UBASH3B: variants seen among roughly 807,000 people sequenced by gnomAD.
UBASH3B encodes ubiquitin associated and SH3 domain containing B.
A neutral mutation model predicts 83.4 loss-of-function variants in UBASH3B; 37 were observed. The observed-to-expected ratio is 0.44, with a 90% CI of 0.34 to 0.58. The LOEUF (loss-of-function observed/expected upper bound fraction) is 0.58. UBASH3B is among the 20% of genes least tolerant of loss of function. The pLI, the probability that UBASH3B is intolerant of heterozygous loss-of-function variation, is 0.01. For missense variants in UBASH3B, 657 were observed against 827.2 expected (o/e 0.79, Z 2.52); for synonymous variants, 304 against 318.3 (o/e 0.96, Z 0.48).
chr11:122,685,669 A>C (rs1286855356), intron 1 of UBASH3B, among the ~76,000 whole-genome samples: 1 of 152,160 alleles, frequency 6.6e-6, no homozygotes, highest in Non-Finnish European at 1.5e-5. Context: ...GGCGTCTGCC[A>C]CAATGCCCAG....
In UBASH3B at chr11:122,686,112, G is replaced by A. The variant is rs139462515; in HGVS notation, c.161+29902G>A. ...GACTAAAAAGAGCAGGTTTCTTCCC[G>A]GGTCACTTCCTCCCTGAGGAAGTCC... On this transcript the variant is annotated intron_variant, in intron 1 of 13. Transcript: ENST00000284273. Among the ~76,000 whole-genome samples, 163 of 152,204 alleles carry A rather than the reference G, an allele frequency of 1.1e-3. 1 individual carries two copies. The highest frequency in any genetic ancestry group is 3.8e-3 in the African/African-American group (158 of 41,550).
At chr11:122,779,842 T>A in intron 4 of UBASH3B, 147 bp downstream of exon 4, 1 of 907,928 alleles carries the variant, frequency 1.1e-6, no homozygotes, top group South Asian at 1.7e-5. Context: ...AAAAACAGCC[T>A]TTTCCTGCAG....
intron 1 of UBASH3B, among the ~76,000 whole-genome samples, chr11:122,756,540 C>A (rs1350038613): frequency 6.6e-6 from 1 of 152,174 alleles, no homozygotes; most frequent in Non-Finnish European, 1.5e-5. Flanking sequence ...GCCATTTCTG[C>A]CTCTTTCACA....
At chr11:122,791,617 A>G (rs1861055342) in intron 6 of UBASH3B, among the ~76,000 whole-genome samples, 1 of 152,248 alleles carries the variant, frequency 6.6e-6, no homozygotes, top group Non-Finnish European at 1.5e-5. Context: ...TCAAGGAGGC[A>G]GAGCCCAGCT....
chr11:122,692,295 G>A (rs1330315284), intron 1 of UBASH3B, among the ~76,000 whole-genome samples: 1 of 152,126 alleles, frequency 6.6e-6, no homozygotes, highest in Non-Finnish European at 1.5e-5. Context: ...GAAGAAAGAT[G>A]AATATTTTCT....
chr11:122,730,505 C>T (rs964779380), intron 1 of UBASH3B, among the ~76,000 whole-genome samples: 2 of 152,172 alleles, frequency 1.3e-5, no homozygotes, highest in African/African-American at 4.8e-5. Context: ...AGCCAAACCC[C>T]CTCACAGAGG....
At chr11:122,755,509 C>A (rs1482438664) in intron 1 of UBASH3B, among the ~76,000 whole-genome samples, 1 of 152,022 alleles carries the variant, frequency 6.6e-6, no homozygotes, top group Non-Finnish European at 1.5e-5. Context: ...CTTTGCCTGG[C>A]CAGGTTCAAA....
intron 1 of UBASH3B, among the ~76,000 whole-genome samples, chr11:122,731,855 A>G (rs1407787591): frequency 1.3e-5 from 2 of 152,072 alleles, no homozygotes; most frequent in East Asian, 3.9e-4. Flanking sequence ...CTCACTACTG[A>G]GGTTTTTGTA....
intron 1 of UBASH3B, among the ~76,000 whole-genome samples, chr11:122,681,054 T>TAG (rs1482233609): frequency 6.6e-6 from 1 of 152,238 alleles, no homozygotes; most frequent in South Asian, 2.1e-4. Flanking sequence ...AAATAAAAGT[T>TAG]AGATTAGGTG....
At chr11:122,688,655 A>ATTTTT (rs1555135102) in intron 1 of UBASH3B, among the ~76,000 whole-genome samples, 1 of 95,020 alleles carries the variant, frequency 1.1e-5, no homozygotes, top group Non-Finnish European at 2.4e-5. Context: ...ATTTTATTTT[A>ATTTTT]TTTTTTTGAG....
intron 1 of UBASH3B, among the ~76,000 whole-genome samples, chr11:122,672,848 C>G (rs1190754631): frequency 2.6e-5 from 4 of 152,064 alleles, no homozygotes; most frequent in Admixed American, 1.3e-4. Context: ...ACCTAAAGTC[C>G]CTGGGGGACC....
chr11:122,710,651 A>C (rs1193524164), intron 1 of UBASH3B, among the ~76,000 whole-genome samples: 1 of 152,078 alleles, frequency 6.6e-6, no homozygotes, highest in African/African-American at 2.4e-5. Flanking sequence ...AAATGGACAA[A>C]TAAAGGCACC....
At chr11:122,743,265 G>C (rs1861056074) in intron 1 of UBASH3B, among the ~76,000 whole-genome samples, 1 of 152,124 alleles carries the variant, frequency 6.6e-6, no homozygotes, top group African/African-American at 2.4e-5. Flanking sequence ...GCCCAGGCTG[G>C]AGTGCAGTGG....
intron 1 of UBASH3B, among the ~76,000 whole-genome samples, chr11:122,741,402 G>A (rs1445329807): frequency 6.6e-6 from 1 of 152,204 alleles, no homozygotes; most frequent in East Asian, 1.9e-4. Context: ...TGCATTGGCT[G>A]TTTACCAATA....
chr11:122,690,260 A>G (rs923570585), intron 1 of UBASH3B, among the ~76,000 whole-genome samples: 3 of 137,604 alleles, frequency 2.2e-5, no homozygotes, highest in Admixed American at 7.7e-5. Flanking sequence ...ATCCAATTAT[A>G]TATATATATA....
chr11:122,767,380 G>A (rs1181719619), intron 1 of UBASH3B, among the ~76,000 whole-genome samples: 3 of 151,480 alleles, frequency 2.0e-5, no homozygotes, highest in African/African-American at 2.4e-5. Flanking sequence ...GCACGATTTC[G>A]GCTCACTGCA....
chr11:122,686,080 A>G (rs1863805090), intron 1 of UBASH3B, among the ~76,000 whole-genome samples: 1 of 152,132 alleles, frequency 6.6e-6, no homozygotes. Context: ...TGCTCATGGA[A>G]AATAAAGACT....
intron 1 of UBASH3B, among the ~76,000 whole-genome samples, chr11:122,669,997 T>C (rs1863572395): frequency 6.6e-6 from 1 of 152,172 alleles, no homozygotes; most frequent in Non-Finnish European, 1.5e-5. Context: ...ATAAATGATA[T>C]GAAGTCTCTA....
At chr11:122,662,003 T>C (rs906532990) in intron 1 of UBASH3B, among the ~76,000 whole-genome samples, 3 of 150,632 alleles carry the variant, frequency 2.0e-5, no homozygotes, top group Non-Finnish European at 4.4e-5. Context: ...GCCTCCTAGG[T>C]GTCAAGTGAT....
Sources: gnomAD v4.1 joint callset for allele counts (sites outside exome capture counted in the v4.1 genomes callset) on GRCh38, gnomAD v4.1.1 for gene constraint, MANE v1.5 for transcripts, NCBI Gene and HGNC (gene_info 2026-07-23, HGNC 2026-07-21) for gene names.